SMYD3: variants seen among roughly 807,000 people sequenced by gnomAD.
SMYD3 encodes the protein histone-lysine N-methyltransferase SMYD3.
Under a neutral mutation model 57.7 loss-of-function variants are expected in SMYD3, and 36 were observed. That is an observed-to-expected ratio of 0.62 (90% CI 0.48 to 0.82). The LOEUF (loss-of-function observed/expected upper bound fraction) is 0.82, where lower values mean the gene tolerates loss of function less well. Ranked by LOEUF, SMYD3 falls within the 40% of genes least tolerant of loss-of-function variation. The pLI is 0.00. For synonymous variants in SMYD3, 211 were observed against 195.0 expected (o/e 1.08, Z -0.68); for missense variants, 515 against 538.8 (o/e 0.96, Z 0.44).
At chr1:245,995,611 T>G (rs2058913482) in intron 5 of SMYD3, among the ~76,000 whole-genome samples, 1 of 152,188 alleles carries the variant, frequency 6.6e-6, no homozygotes, top group Non-Finnish European at 1.5e-5. Flanking sequence ...AGGGGAGGCA[T>G]GTGGCAGTAG....
chr1:246,382,773 C>G (rs868931), intron 1 of SMYD3, among the ~76,000 whole-genome samples: 1 of 151,872 alleles, frequency 6.6e-6, no homozygotes, highest in African/African-American at 2.4e-5. Flanking sequence ...AGGCTCACCC[C>G]AGCACCAGGC....
intron 10 of SMYD3, among the ~76,000 whole-genome samples, chr1:245,798,894 C>G (rs1259664883): frequency 6.6e-6 from 1 of 152,198 alleles, no homozygotes; most frequent in Non-Finnish European, 1.5e-5. Flanking sequence ...GCCCCTCAGA[C>G]CATGCCTTAG....
intron 5 of SMYD3, chr1:246,034,686 C>G (rs10924457): frequency 6.4e-6 from 1 of 155,916 alleles, no homozygotes; most frequent in African/African-American, 2.4e-5. Context: ...GAGAGGTGAG[C>G]AAGGCTGGGG....
intron 5 of SMYD3, among the ~76,000 whole-genome samples, chr1:246,235,263 A>G (rs2063496005): frequency 6.6e-6 from 1 of 152,092 alleles, no homozygotes; most frequent in Non-Finnish European, 1.5e-5. Context: ...TTCTCACCTA[A>G]CCTCCCTATA....
In SMYD3 at chr1:246,481,625, T is replaced by TATATATATATATATAC. The variant is rs1459254899; in HGVS notation, c.164+25428_164+25429insGTATATATATATATAT. On this transcript the variant is annotated intron_variant, in intron 1 of 11. Coordinates refer to ENST00000490107, the MANE Select transcript of SMYD3 (RefSeq NM_001167740.2). ...ATATATATACACATACATATATACA[T>TATATATATATATATAC]ACATACATACACATATTCATATATG... Among the ~76,000 whole-genome samples the TATATATATATATATAC allele has an allele frequency of 4.6e-4, 42 of 90,386 alleles. 1 individual carries two copies. The highest frequency in any genetic ancestry group is 2.1e-3 in the African/African-American group (37 of 17,946). 59.3% of individuals were successfully genotyped at this position (90,386 alleles called of 152,430 possible).
intron 5 of SMYD3, among the ~76,000 whole-genome samples, chr1:246,268,701 C>CA (rs1252990164): frequency 6.6e-6 from 1 of 150,420 alleles, no homozygotes; most frequent in East Asian, 1.9e-4. Flanking sequence ...GAGACACCAT[C>CA]AAAAAAAGAA....
intron 5 of SMYD3, among the ~76,000 whole-genome samples, chr1:246,204,148 A>AT (rs768706425): frequency 8.5e-5 from 13 of 152,330 alleles, no homozygotes; most frequent in South Asian, 6.2e-4. Context: ...TATGCTGATA[A>AT]TAAAAACAGA....
intron 8 of SMYD3, among the ~76,000 whole-genome samples, chr1:245,880,675 G>A (rs549124913): frequency 6.6e-6 from 1 of 152,326 alleles, no homozygotes; most frequent in Admixed American, 6.5e-5. Flanking sequence ...ACAAAGTGGT[G>A]GAGAAGGACT....
At chr1:246,074,326 A>T (rs1408296517) in intron 5 of SMYD3, among the ~76,000 whole-genome samples, 2 of 151,974 alleles carry the variant, frequency 1.3e-5, no homozygotes, top group African/African-American at 4.8e-5. Context: ...CAAATAAAAA[A>T]AAATTATCTT....
At chr1:246,324,439 G>GA (rs1255619273) in intron 5 of SMYD3, among the ~76,000 whole-genome samples, 1 of 134,450 alleles carries the variant, frequency 7.4e-6, no homozygotes, top group East Asian at 2.3e-4. Flanking sequence ...AAAAAAAAAA[G>GA]ATGGGCTAAA....
intron 1 of SMYD3, among the ~76,000 whole-genome samples, chr1:246,414,849 T>C (rs1427755785): frequency 6.6e-6 from 1 of 151,586 alleles, no homozygotes; most frequent in African/African-American, 2.4e-5. Flanking sequence ...TCTGAGTAGC[T>C]GGAATTACAG....
chr1:245,821,851 C>T (rs1221371718), intron 10 of SMYD3, among the ~76,000 whole-genome samples: 2 of 150,594 alleles, frequency 1.3e-5, no homozygotes, highest in Admixed American at 6.6e-5. Context: ...AATGAGATAC[C>T]ATCTCACACC....
chr1:245,791,509 G>C lies in SMYD3; in HGVS notation c.1077-27360C>G, dbSNP rs911298728. Among the ~76,000 whole-genome samples, 12 of 151,760 alleles carry C rather than the reference G, an allele frequency of 7.9e-5. No individual in the cohort carries two copies. In the South Asian group the frequency reaches 1.0e-3, roughly 13 times the overall value. On this transcript the variant is annotated intron_variant, in intron 10 of 11. Coordinates refer to ENST00000490107, the MANE Select transcript of SMYD3 (RefSeq NM_001167740.2). The stretch of plus-strand genomic sequence containing the variant: ...CGTGCTCACTGTCTGTGTTTTTCTT[G>C]AACAGAGCTGTGGAGCACGGGTCAG...
chr1:245,848,196 GCTCAAGTGATC>G (rs1307135159), intron 10 of SMYD3, among the ~76,000 whole-genome samples: 5 of 151,982 alleles, frequency 3.3e-5, no homozygotes, highest in Non-Finnish European at 5.9e-5. Context: ...ACCTCCATGG[GCTCAAGTGATC>G]CTTCCTTCCA....
chr1:246,477,314 C>T (rs1038914680), intron 1 of SMYD3, among the ~76,000 whole-genome samples: 14 of 152,076 alleles, frequency 9.2e-5, no homozygotes, highest in Non-Finnish European at 1.9e-4. Context: ...TTACTGATAC[C>T]TAATTACTAT....
At chr1:246,445,498 T>TA (rs2067539027) in intron 1 of SMYD3, among the ~76,000 whole-genome samples, 1 of 152,210 alleles carries the variant, frequency 6.6e-6, no homozygotes, top group South Asian at 2.1e-4. Flanking sequence ...ACCCAAGGGA[T>TA]AAACAGCACT....
At chr1:246,299,062 A>C (rs1201938465) in intron 5 of SMYD3, among the ~76,000 whole-genome samples, 1 of 152,160 alleles carries the variant, frequency 6.6e-6, no homozygotes, top group Non-Finnish European at 1.5e-5. Flanking sequence ...ACATATATAA[A>C]AATGTAAAAT....
chr1:245,868,367 T>C (rs2051994660), intron 8 of SMYD3, among the ~76,000 whole-genome samples: 1 of 152,232 alleles, frequency 6.6e-6, no homozygotes, highest in South Asian at 2.1e-4. Flanking sequence ...AACTCATATC[T>C]GAGTTAATCA....
chr1:245,872,412 T>C (rs1170508627), intron 8 of SMYD3, among the ~76,000 whole-genome samples: 3 of 103,252 alleles, frequency 2.9e-5, no homozygotes, highest in Non-Finnish European at 5.5e-5. Flanking sequence ...TCTTCTCAGA[T>C]GAGAGAGCCC....
Sources: allele counts gnomAD v4.1 joint callset (sites outside exome capture counted in the v4.1 genomes callset), GRCh38; gene constraint gnomAD v4.1.1; transcripts MANE v1.5; gene names NCBI Gene and HGNC (gene_info 2026-07-23, HGNC 2026-07-21).